Variants in RASEF observed in about 807,000 individuals in gnomAD.
The protein encoded by RASEF is RAS and EF-hand domain containing.
A neutral mutation model predicts 90.1 loss-of-function variants in RASEF; 68 were observed. The observed-to-expected ratio is 0.75, with a 90% confidence interval of 0.62 to 0.92. The LOEUF (loss-of-function observed/expected upper bound fraction) is 0.92, where lower values mean the gene tolerates loss of function less well. Among genes scored for constraint, RASEF ranks in the 40% least tolerant of loss-of-function variants. RASEF has a pLI of 0.00. For missense variants in RASEF, 949 were observed against 937.2 expected (o/e 1.01, Z -0.16); for synonymous variants, 331 against 345.2 (o/e 0.96, Z 0.46).
At chr9:83,171,110 TTTATCATGAAGAGATA>T in the RASEF span, among the ~76,000 whole-genome samples, 7 of 151,888 alleles carry the variant, frequency 4.6e-5, no homozygotes, top group Non-Finnish European at 8.8e-5. Context: ...ATACCTAGTT[TTTATCATGAAGAGATA>T]TTATCATGAA....
chr9:83,072,865 C>A, the RASEF span, among the ~76,000 whole-genome samples: 76 of 152,298 alleles, frequency 5.0e-4, no homozygotes, highest in African/African-American at 1.8e-3. Context: ...CATACAGGAA[C>A]AATACTTTGC....
rs757874636 is a variant in RASEF, at chr9:83,057,321, G to A, written c.431+5116C>T. Reference sequence around the variant, plus strand: ...CTCCTATAAAAGACTCCTAAGCTTTGATAAACGAATTCAGTTAATTCTCAG... The same window carrying A: ...CTCCTATAAAAGACTCCTAAGCTTTAATAAACGAATTCAGTTAATTCTCAG... On this transcript the variant is annotated intron_variant, in intron 1 of 16. Transcript: ENST00000376447. 3.3e-5 allele frequency among the ~76,000 whole-genome samples: 5 copies of A among 152,142 alleles called. No homozygotes were observed. The East Asian group carries it at 7.7e-4, about 23-fold the overall frequency.
At chr9:83,200,659 A>C in the RASEF span, among the ~76,000 whole-genome samples, 1 of 152,182 alleles carries the variant, frequency 6.6e-6, no homozygotes, top group South Asian at 2.1e-4. Context: ...CTCCACTGGA[A>C]TGTAAGCTCC....
At chr9:83,213,092 T>TAAAA in the RASEF span, among the ~76,000 whole-genome samples, 19 of 138,594 alleles carry the variant, frequency 1.4e-4, no homozygotes, top group Non-Finnish European at 2.1e-4. Flanking sequence ...TGCACACGTT[T>TAAAA]TAAAAAAAAA....
chr9:83,009,630 A>C lies in RASEF; in HGVS notation c.959+11T>G. On this transcript the variant is annotated intron_variant, in intron 6 of 16. Coordinates refer to ENST00000376447, the MANE Select transcript of RASEF (RefSeq NM_152573.4). ...CTACTCAAACTAACAAATAAAATGC[A>C]AAGTTCATACCTTTCAGTATTCAGA... 3 of 1,503,500 alleles carry C rather than the reference A, an allele frequency of 2.0e-6. No individual in the cohort carries two copies. The highest frequency in any genetic ancestry group is 2.8e-6 in the Non-Finnish European group (3 of 1,083,770). 93.1% of individuals were successfully genotyped at this position (1,503,500 alleles called of 1,614,324 possible).
At chr9:83,150,290 T>C in the RASEF span, among the ~76,000 whole-genome samples, 1 of 152,148 alleles carries the variant, frequency 6.6e-6, no homozygotes, top group Non-Finnish European at 1.5e-5. Flanking sequence ...GGTTTCATCA[T>C]GTAGGTGAGA....
chr9:83,034,459 C>T (rs1458668209), intron 1 of RASEF, among the ~76,000 whole-genome samples: 1 of 152,198 alleles, frequency 6.6e-6, no homozygotes, highest in Admixed American at 6.5e-5. Context: ...AGAAATATTA[C>T]TTACCTAAGT....
At chr9:83,052,819 A>T (rs1305497408) in intron 1 of RASEF, among the ~76,000 whole-genome samples, 18 of 136,200 alleles carry the variant, frequency 1.3e-4, no homozygotes, top group Middle Eastern at 3.7e-3. Context: ...GTCATTCAGG[A>T]GCAGGTTGTT....
the RASEF span, among the ~76,000 whole-genome samples, chr9:83,088,196 T>C: frequency 1.3e-5 from 2 of 152,104 alleles, no homozygotes; most frequent in Non-Finnish European, 2.9e-5. Flanking sequence ...TTGAGAAGAA[T>C]GTGTATTCTG....
At chr9:83,088,408 A>G in the RASEF span, among the ~76,000 whole-genome samples, 2 of 151,950 alleles carry the variant, frequency 1.3e-5, no homozygotes, top group Admixed American at 1.3e-4. Flanking sequence ...ATAGATAGAT[A>G]GATACACAGA....
At chr9:83,098,481 C>T in the RASEF span, among the ~76,000 whole-genome samples, 1 of 152,138 alleles carries the variant, frequency 6.6e-6, no homozygotes, top group Non-Finnish European at 1.5e-5. Flanking sequence ...ATTATGACTA[C>T]TTTCTACTCT....
intron 15 of RASEF, among the ~76,000 whole-genome samples, chr9:82,991,856 C>T (rs1828821544): frequency 6.6e-6 from 1 of 152,170 alleles, no homozygotes; most frequent in Non-Finnish European, 1.5e-5. Flanking sequence ...CTGTGTGAGA[C>T]CATGTCTAGC....
rs532023585 is a variant in RASEF at position 82,980,086 on chromosome 9, C to T, written c.*2591G>A. ...TATCTCCTTATCCAACATTATTTTCCACAATGAAATTAAAATATTTTACAA... is the reference window on the plus strand; with the variant it reads ...TATCTCCTTATCCAACATTATTTTCTACAATGAAATTAAAATATTTTACAA... On this transcript the variant is annotated 3_prime_UTR_variant, in exon 17 of 17. Transcript: ENST00000376447. The T allele has an allele frequency of 1.3e-5, 2 of 151,970 alleles. No homozygotes were observed. Among genetic ancestry groups the T allele is most frequent in the African/African-American group, 4.8e-5 (2 of 41,450 alleles). 9.4% of individuals were successfully genotyped at this position (151,970 alleles called of 1,614,324 possible).
the RASEF span, among the ~76,000 whole-genome samples, chr9:83,165,852 G>A: frequency 6.6e-6 from 1 of 152,010 alleles, no homozygotes; most frequent in Non-Finnish European, 1.5e-5. Flanking sequence ...GACATTAAAA[G>A]GATAATCAAT....
the RASEF span, among the ~76,000 whole-genome samples, chr9:83,195,807 A>G: frequency 1.3e-5 from 2 of 152,108 alleles, no homozygotes; most frequent in African/African-American, 4.8e-5. Flanking sequence ...AAGCCATTAG[A>G]TGACTTTTAA....
At chr9:83,011,689 T>C (rs1001162513) in intron 5 of RASEF, among the ~76,000 whole-genome samples, 3 of 146,566 alleles carry the variant, frequency 2.0e-5, no homozygotes, top group African/African-American at 7.7e-5. Context: ...ATGAAAATGG[T>C]AGTGCTTTTT....
intron 14 of RASEF, 84 bp downstream of exon 14, chr9:82,996,928 C>A (rs1200305072): frequency 1.1e-5 from 9 of 787,606 alleles, no homozygotes; most frequent in Non-Finnish European, 2.0e-5. Context: ...CAAGTTCATT[C>A]TGACAAAGAA....
At chr9:83,033,935 G>T (rs1312980016) in intron 1 of RASEF, among the ~76,000 whole-genome samples, 3 of 152,124 alleles carry the variant, frequency 2.0e-5, no homozygotes, top group African/African-American at 7.2e-5. Context: ...TGTCTAGTCA[G>T]TAAGTGCAAA....
chr9:83,114,567 G>A, the RASEF span, among the ~76,000 whole-genome samples: 6 of 152,164 alleles, frequency 3.9e-5, no homozygotes, highest in East Asian at 1.9e-4. Context: ...GAAAAATATC[G>A]CTGACTTCTT....
Sources: gnomAD v4.1 joint callset for allele counts (sites outside exome capture counted in the v4.1 genomes callset) on GRCh38, gnomAD v4.1.1 for gene constraint, MANE v1.5 for transcripts, NCBI Gene and HGNC (gene_info 2026-07-23, HGNC 2026-07-21) for gene names.